Variants in CCDC91 observed in about 807,000 individuals in gnomAD.
The protein encoded by CCDC91 is coiled-coil domain containing 91.
A neutral mutation model predicts 63.2 loss-of-function variants in CCDC91; 48 were observed. That is an observed-to-expected ratio of 0.76 (90% CI 0.60 to 0.97). CCDC91 has a LOEUF of 0.97. Ranked by LOEUF, CCDC91 falls within the 50% of genes least tolerant of loss-of-function variation. The pLI is 0.00. For missense variants in CCDC91, 500 were observed against 494.6 expected (o/e 1.01, Z -0.10); for synonymous variants, 167 against 165.8 (o/e 1.01, Z -0.06).
At chr12:28,438,437 G>T (rs1213977318) in intron 8 of CCDC91, among the ~76,000 whole-genome samples, 3 of 152,100 alleles carry the variant, frequency 2.0e-5, no homozygotes, top group Non-Finnish European at 4.4e-5. Context: ...AACCTAACCT[G>T]CTGGTGTCTT....
rs147959962 is a variant in CCDC91, at chr12:28,363,328, G to A, written c.654+813G>A. ...TGCTGTATTTACTCACTGACTTGGA[G>A]ATATTTTCATGTCAGTACATATAAG... On this transcript the variant is annotated intron_variant, in intron 7 of 12. Transcript: ENST00000536442. Among the ~76,000 whole-genome samples, 6 of 152,188 alleles carry A rather than the reference G, an allele frequency of 3.9e-5. No individual in the cohort carries two copies. The East Asian group carries it at 1.2e-3, about 29-fold the overall frequency.
At chr12:28,280,723 A>C (rs957507827) in intron 3 of CCDC91, among the ~76,000 whole-genome samples, 1 of 151,990 alleles carries the variant, frequency 6.6e-6, no homozygotes, top group African/African-American at 2.4e-5. Context: ...TCATACTTGT[A>C]ATCTCAGCAC....
chr12:28,407,945 TATATAC>T lies in CCDC91; in HGVS notation c.762+16540_762+16545del, dbSNP rs201040202. On this transcript the variant is annotated intron_variant, in intron 8 of 12. Transcript: ENST00000536442. ...AATTGGTCTTAACCATATACATAGA[TATATAC>T]ATATATATATATATTTTTTTTATTT... 1.0e-3 allele frequency among the ~76,000 whole-genome samples: 33 copies of T among 31,444 alleles called. 3 individuals carry two copies. In the East Asian group the frequency reaches 0.052, roughly 49 times the overall value. 20.6% of individuals were successfully genotyped at this position (31,444 alleles called of 152,430 possible).
rs74733901 is a variant in CCDC91 at position 28,357,977 on chromosome 12, A to G, written c.577-4461A>G. Among the ~76,000 whole-genome samples, 319 of 152,252 alleles carry G rather than the reference A, an allele frequency of 2.1e-3. 3 individuals are homozygous for G. The highest frequency in any genetic ancestry group is 7.2e-3 in the African/African-American group (301 of 41,564). On this transcript the variant is annotated intron_variant, in intron 6 of 12. Transcript: ENST00000536442. ...GCATATTCTTGAAATGAATTTTAGTATGACTATTTGGTTATTCCTGTGGAC... is the reference window on the plus strand; with the variant it reads ...GCATATTCTTGAAATGAATTTTAGTGTGACTATTTGGTTATTCCTGTGGAC...
rs534119137 is a variant in CCDC91, at chr12:28,201,647, A to G, written c.-15+11006A>G. 2.7e-5 allele frequency among the ~76,000 whole-genome samples: 4 copies of G among 146,696 alleles called. No homozygotes were observed. In the East Asian group the frequency reaches 7.8e-4, roughly 28 times the overall value. On this transcript the variant is annotated intron_variant, in intron 1 of 12. Coordinates refer to ENST00000536442, the MANE Select transcript of CCDC91 (RefSeq NM_018318.5). ...GGGTGGCGGCCGGGCAGAGGCTGCA[A>G]TCTGGGCACTTTGGGAGGCCAAGGC...
intron 1 of CCDC91, among the ~76,000 whole-genome samples, chr12:28,205,012 G>A (rs1942738258): frequency 6.6e-6 from 1 of 152,268 alleles, no homozygotes. Flanking sequence ...TTAGGACCCT[G>A]ACATTATGGC....
intron 1 of CCDC91, among the ~76,000 whole-genome samples, chr12:28,200,238 A>ATT (rs57613241): frequency 7.1e-6 from 1 of 140,168 alleles, no homozygotes; most frequent in Non-Finnish European, 1.6e-5. Context: ...CTTCTAGTGA[A>ATT]TTTTTTTTTT....
intron 6 of CCDC91, among the ~76,000 whole-genome samples, chr12:28,316,268 T>C (rs1939847407): frequency 1.3e-5 from 2 of 151,988 alleles, no homozygotes; most frequent in African/African-American, 2.4e-5. Context: ...GTCTTTGCCT[T>C]CTACATTTGT....
intron 8 of CCDC91, among the ~76,000 whole-genome samples, chr12:28,401,032 C>T (rs1395909826): frequency 1.3e-5 from 2 of 152,162 alleles, no homozygotes; most frequent in African/African-American, 4.8e-5. Context: ...CTGAGCTCTC[C>T]AAATGGTTCC....
chr12:28,193,086 T>C (rs1941407609), intron 1 of CCDC91, among the ~76,000 whole-genome samples: 1 of 152,250 alleles, frequency 6.6e-6, no homozygotes, highest in African/African-American at 2.4e-5. Context: ...GGTTGTTTTT[T>C]ACAGCTGAGT....
intron 12 of CCDC91, among the ~76,000 whole-genome samples, chr12:28,512,386 T>G (rs2141293376): frequency 6.6e-6 from 1 of 151,946 alleles, no homozygotes; most frequent in Non-Finnish European, 1.5e-5. Flanking sequence ...ATTTTCCTGT[T>G]TTCTATATTT....
chr12:28,367,151 G>A (rs1273558345), intron 7 of CCDC91, among the ~76,000 whole-genome samples: 2 of 152,148 alleles, frequency 1.3e-5, no homozygotes, highest in Non-Finnish European at 2.9e-5. Context: ...GCAGATTCCA[G>A]TTTTAGAATT....
intron 4 of CCDC91, 109 bp downstream of exon 4, chr12:28,305,915 A>G (rs1938676719): frequency 1.2e-6 from 1 of 862,574 alleles, no homozygotes; most frequent in Admixed American, 2.7e-5. Context: ...TAAAAGAAGT[A>G]TTTCTGCAAT....
At chr12:28,201,791 C>T (rs1210973849) in intron 1 of CCDC91, among the ~76,000 whole-genome samples, 5 of 144,574 alleles carry the variant, frequency 3.5e-5, no homozygotes, top group East Asian at 1.9e-4. Flanking sequence ...CCCAGGAGGC[C>T]GAGGCTGGCG....
intron 11 of CCDC91, among the ~76,000 whole-genome samples, chr12:28,478,307 G>A (rs887033790): frequency 2.5e-4 from 38 of 151,830 alleles, no homozygotes; most frequent in African/African-American, 6.8e-4. Flanking sequence ...AAATAATGCC[G>A]CATATCTACA....
chr12:28,452,726 A>G (rs994901422), intron 11 of CCDC91, 72 bp downstream of exon 11: 4 of 676,952 alleles, frequency 5.9e-6, no homozygotes, highest in Non-Finnish European at 9.1e-6. Context: ...CCCTTACTCT[A>G]TCTTTTATCT....
At chr12:28,239,074 C>G (rs1945156503) in intron 1 of CCDC91, among the ~76,000 whole-genome samples, 1 of 150,342 alleles carries the variant, frequency 6.7e-6, no homozygotes, top group Non-Finnish European at 1.5e-5. Flanking sequence ...GAGCTGAGAT[C>G]ACACCATTGC....
At chr12:28,514,170 AGTATCTCATTGT>A (rs1217020620) in intron 12 of CCDC91, among the ~76,000 whole-genome samples, 1 of 151,808 alleles carries the variant, frequency 6.6e-6, no homozygotes, top group East Asian at 1.9e-4. Context: ...GGTGTGAGAC[AGTATCTCATTGT>A]GGTTTTGATT....
At chr12:28,437,057 T>C (rs962010894) in intron 8 of CCDC91, among the ~76,000 whole-genome samples, 41 of 151,860 alleles carry the variant, frequency 2.7e-4, no homozygotes, top group African/African-American at 9.4e-4. Context: ...AATGCCATTT[T>C]CTACAAAGTT....
Sources: gnomAD v4.1 joint callset for allele counts (sites outside exome capture counted in the v4.1 genomes callset) on GRCh38, gnomAD v4.1.1 for gene constraint, MANE v1.5 for transcripts, NCBI Gene and HGNC (gene_info 2026-07-23, HGNC 2026-07-21) for gene names.